Variants in FOXK2 observed in about 807,000 individuals in gnomAD.
The protein encoded by FOXK2 is forkhead box protein K2.
FOXK2 carries 24 observed loss-of-function variants against 53.3 expected under a neutral mutation model. The ratio of observed to expected loss-of-function variants is 0.45; its 90% CI spans 0.33 to 0.63. The LOEUF (loss-of-function observed/expected upper bound fraction) is 0.63. Ranked by LOEUF, FOXK2 falls within the 30% of genes least tolerant of loss-of-function variation. FOXK2 has a pLI of 0.03. For synonymous variants in FOXK2, 505 were observed against 407.1 expected, an observed-to-expected ratio of 1.24 and a Z score of -2.89; for missense variants, 952 against 910.5, an observed-to-expected ratio of 1.05 and a Z score of -0.59.
At chr17:82,578,361 G>A (rs984018883) in intron 4 of FOXK2, 3 of 152,254 alleles carry the variant, frequency 2.0e-5, no homozygotes, top group Non-Finnish European at 1.5e-5. Flanking sequence ...AAGCCTTTGG[G>A]GGAAAGGTAA....
intron 1 of FOXK2, among the ~76,000 whole-genome samples, chr17:82,544,889 T>C (rs1379357663): frequency 6.6e-6 from 1 of 151,936 alleles, no homozygotes; most frequent in African/African-American, 2.4e-5. Flanking sequence ...GAGCCAGTGC[T>C]GCCCACCCAG....
intron 8 of FOXK2, chr17:82,595,739 C>T (rs1183722491): frequency 1.6e-6 from 2 of 1,284,592 alleles, no homozygotes; most frequent in Non-Finnish European, 2.0e-6. Flanking sequence ...AAAAGTGCAC[C>T]TGGCTCCTGT....
chr17:82,541,277 GTT>G (rs202234001), intron 1 of FOXK2, among the ~76,000 whole-genome samples: 3 of 145,834 alleles, frequency 2.1e-5, no homozygotes, highest in Non-Finnish European at 4.5e-5. Context: ...ATGATTTACA[GTT>G]TTTTTTTTTT....
intron 1 of FOXK2, among the ~76,000 whole-genome samples, chr17:82,527,212 C>G (rs1321506522): frequency 6.6e-6 from 1 of 152,108 alleles, no homozygotes; most frequent in African/African-American, 2.4e-5. Context: ...AATAACTACT[C>G]TGTATTTAAG....
At position 82,585,837 on chromosome 17, in the gene FOXK2, A is replaced by C; in HGVS notation, c.1280-67A>C. On this transcript the variant is annotated intron_variant, in intron 6 of 8. Coordinates refer to ENST00000335255, the MANE Select transcript of FOXK2 (RefSeq NM_004514.4). The stretch of plus-strand genomic sequence containing the variant: ...GTTTGTATGTTGCTTGTCAGTGCTG[A>C]GTGTGAGAACCTTTGTTTGTAGAAG... 2.0e-6 allele frequency: 3 copies of C among 1,507,350 alleles called. No individual in the cohort carries two copies. The South Asian group carries it at 3.6e-5, about 18-fold the overall frequency. 93.4% of individuals were successfully genotyped at this position (1,507,350 alleles called of 1,614,324 possible). A position where few individuals can be genotyped will look rare whatever the true frequency, so the allele number is the denominator to read the frequency against.
intron 1 of FOXK2, among the ~76,000 whole-genome samples, chr17:82,543,225 A>G (rs2144076749): frequency 6.6e-6 from 1 of 152,358 alleles, no homozygotes; most frequent in Non-Finnish European, 1.5e-5. Context: ...ACATGCTATC[A>G]GAATATTTTG....
chr17:82,597,043 C>T (rs1000232736), intron 8 of FOXK2, among the ~76,000 whole-genome samples: 1 of 152,150 alleles, frequency 6.6e-6, no homozygotes, highest in Non-Finnish European at 1.5e-5. Context: ...AAGGCGGCGG[C>T]GCCTCTGGGT....
At position 82,575,496 on chromosome 17, in the gene FOXK2, A is replaced by T. The variant is rs557008861; in HGVS notation, c.909+3626A>T. Among the ~76,000 whole-genome samples, 2 of 152,326 alleles carry T rather than the reference A, an allele frequency of 1.3e-5. 1 individual carries two copies. The highest frequency in any genetic ancestry group is 4.1e-4 in the South Asian group (2 of 4,822). On this transcript the variant is annotated intron_variant, in intron 4 of 8. Transcript: ENST00000335255. Reference sequence around the variant, plus strand: ...TTGATCTTTAAGTGGATAAGCATGGAAGTCCCAAGATCATATCCACTAGAT... The same window carrying T: ...TTGATCTTTAAGTGGATAAGCATGGTAGTCCCAAGATCATATCCACTAGAT...
At chr17:82,545,782 A>G (rs1365454159) in intron 1 of FOXK2, among the ~76,000 whole-genome samples, 1 of 152,068 alleles carries the variant, frequency 6.6e-6, no homozygotes, top group Non-Finnish European at 1.5e-5. Context: ...GGGTTTCACC[A>G]TGTTGGCCAG....
chr17:82,529,387 A>T (rs1350711617), intron 1 of FOXK2, among the ~76,000 whole-genome samples: 3 of 138,380 alleles, frequency 2.2e-5, no homozygotes, highest in Non-Finnish European at 3.1e-5. Flanking sequence ...CACGCCGGCT[A>T]ATTTTTTTTT....
chr17:82,534,074 C>CAA (rs781376612), intron 1 of FOXK2, among the ~76,000 whole-genome samples: 23,271 of 127,006 alleles, frequency 0.18, 2,405 homozygotes, highest in East Asian at 0.4. Flanking sequence ...GACACTGTCT[C>CAA]AAAAAAAAAA....
At chr17:82,523,926 ACT>A (rs796299838) in intron 1 of FOXK2, among the ~76,000 whole-genome samples, 24 of 151,750 alleles carry the variant, frequency 1.6e-4, no homozygotes, top group African/African-American at 5.8e-4. Context: ...TACGAGTCTC[ACT>A]CTGTTGTCCA....
intron 1 of FOXK2, among the ~76,000 whole-genome samples, chr17:82,553,587 C>T (rs1041740124): frequency 6.6e-6 from 1 of 152,194 alleles, no homozygotes; most frequent in African/African-American, 2.4e-5. Flanking sequence ...TTTTCGGGGA[C>T]TTTGGATGTT....
At chr17:82,570,170 C>T (rs905162169) in intron 3 of FOXK2, among the ~76,000 whole-genome samples, 19 of 151,384 alleles carry the variant, frequency 1.3e-4, no homozygotes, top group South Asian at 8.3e-4. Flanking sequence ...TGCAGTGAGC[C>T]GAAATCGCGC....
At chr17:82,527,726 T>G (rs1023862426) in intron 1 of FOXK2, among the ~76,000 whole-genome samples, 1 of 152,256 alleles carries the variant, frequency 6.6e-6, no homozygotes, top group Non-Finnish European at 1.5e-5. Flanking sequence ...ATTGTTACTT[T>G]AAGTTAAAAA....
At chr17:82,563,862 C>T (rs1171944308) in intron 2 of FOXK2, among the ~76,000 whole-genome samples, 3 of 149,684 alleles carry the variant, frequency 2.0e-5, no homozygotes, top group African/African-American at 7.4e-5. Context: ...AGCGATTCTC[C>T]TGCCTTAGCC....
chr17:82,569,276 G>A (rs978862540), intron 3 of FOXK2, among the ~76,000 whole-genome samples: 1 of 152,222 alleles, frequency 6.6e-6, no homozygotes, highest in African/African-American at 2.4e-5. Flanking sequence ...CCCACCTGCG[G>A]CCGACTACGG....
intron 1 of FOXK2, among the ~76,000 whole-genome samples, chr17:82,528,794 T>C (rs1434301020): frequency 6.6e-6 from 1 of 152,226 alleles, no homozygotes; most frequent in Non-Finnish European, 1.5e-5. Flanking sequence ...CTGCTGAGAA[T>C]TCCGTAGATT....
chr17:82,530,014 T>G (rs927061502), intron 1 of FOXK2, among the ~76,000 whole-genome samples: 2 of 152,332 alleles, frequency 1.3e-5, no homozygotes, highest in East Asian at 3.9e-4. Context: ...GTAGCTGAAT[T>G]GTTCCAGTTT....
Sources: gnomAD v4.1 joint callset for allele counts (sites outside exome capture counted in the v4.1 genomes callset) on GRCh38, gnomAD v4.1.1 for gene constraint, MANE v1.5 for transcripts, NCBI Gene and HGNC (gene_info 2026-07-23, HGNC 2026-07-21) for gene names.